NFIX: variants seen among roughly 807,000 people sequenced by gnomAD.
NFIX encodes nuclear factor 1 X-type.
A neutral mutation model predicts 53.3 loss-of-function variants in NFIX; 2 were observed. The ratio of observed to expected loss-of-function variants is 0.04; its 90% CI spans 0.02 to 0.12. The LOEUF (loss-of-function observed/expected upper bound fraction) is 0.12, where lower values mean the gene tolerates loss of function less well. Among genes scored for constraint, NFIX ranks in the 10% least tolerant of loss-of-function variants. NFIX has a pLI of 1.00. For missense variants in NFIX, 310 were observed against 674.5 expected, an observed-to-expected ratio of 0.46 and a Z score of 5.99; for synonymous variants, 244 against 289.0, an observed-to-expected ratio of 0.84 and a Z score of 1.58.
Position 13,040,943 on chromosome 19 carries a change from G to A in NFIX, c.559+15391G>A, listed in dbSNP as rs2014580123. 6.6e-6 allele frequency among the ~76,000 whole-genome samples: 1 copy of A among 152,064 alleles called. No homozygotes were observed. The highest frequency in any genetic ancestry group is 2.4e-5 in the African/African-American group (1 of 41,386). ...TAGCTCCTTCCTCCTCTCTCACCTG[G>A]TCCTAAACCTCTTTCCTCTGGCCCC... is the stretch of plus-strand genomic sequence containing the variant. On this transcript the variant is annotated intron_variant, in intron 2 of 10. Coordinates refer to ENST00000592199, the MANE Select transcript of NFIX (RefSeq NM_001365902.3). The surrounding 1 kb of genome is among the most constrained non-coding windows in gnomAD (Gnocchi z 4.2).
In NFIX at chr19:13,066,946, C is replaced by T. The variant is rs773535364; in HGVS notation, c.560-6101C>T. Among the ~76,000 whole-genome samples the T allele has an allele frequency of 6.6e-6, 1 of 152,168 alleles. No individual in the cohort carries two copies. The highest frequency in any genetic ancestry group is 1.5e-5 in the Non-Finnish European group (1 of 68,022). ...CTGTCTGCTGAGACGGGGAGAACCCCTCTGTGACCCGTCCCCTTAGCCCCC... is the reference window on the plus strand; with the variant it reads ...CTGTCTGCTGAGACGGGGAGAACCCTTCTGTGACCCGTCCCCTTAGCCCCC... On this transcript the variant is annotated intron_variant, in intron 2 of 10. Coordinates refer to ENST00000592199, the MANE Select transcript of NFIX (RefSeq NM_001365902.3). The surrounding 1 kb of genome is among the most constrained non-coding windows in gnomAD (Gnocchi z 4.2).
At chr19:13,007,992 C>T (rs1373996240) in intron 1 of NFIX, among the ~76,000 whole-genome samples, 1 of 152,102 alleles carries the variant, frequency 6.6e-6, no homozygotes, top group Non-Finnish European at 1.5e-5. Flanking sequence ...CATCCTGTGG[C>T]CTAAACACCA....
In NFIX at chr19:13,036,994, C is replaced by T. The variant is rs966077195; in HGVS notation, c.559+11442C>T. ...AGGGAGGAGGCAAATGGATAGGAAG[C>T]TTGAGTTGGGGGTGGGTGCTAAGCC... On this transcript the variant is annotated intron_variant, in intron 2 of 10. Coordinates refer to ENST00000592199, the MANE Select transcript of NFIX (RefSeq NM_001365902.3). This position sits in a 1 kb window ranked among gnomAD's most constrained non-coding sequence, Gnocchi z 4.7. 7.2e-5 allele frequency among the ~76,000 whole-genome samples: 11 copies of T among 152,088 alleles called. No individual in the cohort carries two copies. Among genetic ancestry groups the T allele is most frequent in the African/African-American group, 1.2e-4 (5 of 41,406 alleles).
intron 8 of NFIX, among the ~76,000 whole-genome samples, chr19:13,086,004 G>C (rs1357394811): frequency 1.3e-5 from 2 of 152,226 alleles, no homozygotes; most frequent in Non-Finnish European, 2.9e-5. Context: ...GAGAAAGATA[G>C]GTTGTGATTC....
intron 2 of NFIX, among the ~76,000 whole-genome samples, chr19:13,042,379 G>C (rs1411583062): frequency 1.0e-5 from 1 of 97,454 alleles, no homozygotes; most frequent in East Asian, 3.5e-4. Context: ...TTTTTTTGGA[G>C]ACAGAGTCGC....
At chr19:13,042,068 T>A (rs1300092113) in intron 2 of NFIX, among the ~76,000 whole-genome samples, 10 of 149,894 alleles carry the variant, frequency 6.7e-5, no homozygotes, top group Non-Finnish European at 4.5e-5. Context: ...TGGCTAATTT[T>A]TTTTTTTTTT....
chr19:13,027,396 G>A lies in NFIX; in HGVS notation c.559+1844G>A, dbSNP rs2013450258. 1.3e-5 allele frequency among the ~76,000 whole-genome samples: 2 copies of A among 152,192 alleles called. No homozygotes were observed. Among genetic ancestry groups the A allele is most frequent in the Non-Finnish European group, 2.9e-5 (2 of 68,042 alleles). On this transcript the variant is annotated intron_variant, in intron 2 of 10. Coordinates refer to ENST00000592199, the MANE Select transcript of NFIX (RefSeq NM_001365902.3). This position sits in a 1 kb window ranked among gnomAD's most constrained non-coding sequence, Gnocchi z 4.3. ...TCTATACAGCAAGCCAGATTTGGGA[G>A]GGTGTGTGCCTGGTAGTATTGGAGG... is the stretch of plus-strand genomic sequence containing the variant.
Position 13,039,525 on chromosome 19 carries a change from G to A in NFIX, c.559+13973G>A, listed in dbSNP as rs58699272. Among the ~76,000 whole-genome samples the A allele has an allele frequency of 4.6e-3, 695 of 152,282 alleles. 1 individual carries two copies. Among genetic ancestry groups the A allele is most frequent in the African/African-American group, 0.016 (672 of 41,540 alleles). On this transcript the variant is annotated intron_variant, in intron 2 of 10. Coordinates refer to ENST00000592199, the MANE Select transcript of NFIX (RefSeq NM_001365902.3). ...GTGAATGGGGCAGAAGGCATGTGTT[G>A]GCCTCCTCACTGCACCCTGGGAGAG...
intron 2 of NFIX, among the ~76,000 whole-genome samples, chr19:13,029,568 T>C (rs2013636162): frequency 6.6e-6 from 1 of 152,134 alleles, no homozygotes; most frequent in Non-Finnish European, 1.5e-5. Context: ...GGAAACAGGT[T>C]GTTTGTCCTG....
chr19:13,042,561 T>C (rs1185593388), intron 2 of NFIX, among the ~76,000 whole-genome samples: 1 of 152,070 alleles, frequency 6.6e-6, no homozygotes, highest in Non-Finnish European at 1.5e-5. Flanking sequence ...TTTCGCCATG[T>C]TGGCCAGCCT....
intron 2 of NFIX, among the ~76,000 whole-genome samples, chr19:13,033,512 C>A (rs542188667): frequency 1.3e-5 from 2 of 152,316 alleles, no homozygotes; most frequent in South Asian, 2.1e-4. Flanking sequence ...CACCACCACC[C>A]CAGTACAGGG....
chr19:13,035,402 CTG>C (rs1184015122), intron 2 of NFIX, among the ~76,000 whole-genome samples: 6 of 152,166 alleles, frequency 3.9e-5, no homozygotes, highest in African/African-American at 1.4e-4. Context: ...ATAGTGGTCT[CTG>C]TGTGCTGGGG....
At chr19:13,019,118 A>AT (rs34772188) in intron 1 of NFIX, among the ~76,000 whole-genome samples, 115,318 of 148,880 alleles carry the variant, frequency 0.77, 45,029 homozygotes, top group East Asian at 0.9. Context: ...GACACATAGG[A>AT]TTTTTTTTTT....
Position 13,067,834 on chromosome 19 carries a change from G to A in NFIX, c.560-5213G>A, listed in dbSNP as rs887219012. Among the ~76,000 whole-genome samples, 5 of 152,024 alleles carry A rather than the reference G, an allele frequency of 3.3e-5. No homozygotes were observed. Among genetic ancestry groups the A allele is most frequent in the African/African-American group, 1.2e-4 (5 of 41,358 alleles). ...ATATTAAAAACATGCATCCGGGCAC[G>A]GTGGCTCACGCCTGTAATCCCAGCA... is the stretch of plus-strand genomic sequence containing the variant. On this transcript the variant is annotated intron_variant, in intron 2 of 10. Transcript: ENST00000592199. The surrounding 1 kb of genome is among the most constrained non-coding windows in gnomAD (Gnocchi z 4.2).
intron 2 of NFIX, among the ~76,000 whole-genome samples, chr19:13,053,902 G>T (rs1162383899): frequency 3.3e-5 from 5 of 152,034 alleles, no homozygotes; most frequent in African/African-American, 9.7e-5. Flanking sequence ...CCCTCAAGGG[G>T]TGCTGCCCCC....
intron 2 of NFIX, among the ~76,000 whole-genome samples, chr19:13,062,771 A>G (rs1478872217): frequency 6.6e-6 from 1 of 152,250 alleles, no homozygotes; most frequent in East Asian, 1.9e-4. Flanking sequence ...GCCCAGGGTC[A>G]GTCCCTGCTC....
chr19:13,054,739 G>A (rs1337073488), intron 2 of NFIX, among the ~76,000 whole-genome samples: 1 of 152,134 alleles, frequency 6.6e-6, no homozygotes, highest in African/African-American at 2.4e-5. Context: ...CAGGGTGGTT[G>A]GTGCCTAGAG....
chr19:13,004,612 G>A (rs1312653374), intron 1 of NFIX, among the ~76,000 whole-genome samples: 1 of 152,058 alleles, frequency 6.6e-6, no homozygotes, highest in Non-Finnish European at 1.5e-5. Context: ...AGCAGCTACA[G>A]CCACCCCAGC....
chr19:13,015,808 A>ACAGACG (rs1555695244), intron 1 of NFIX, among the ~76,000 whole-genome samples: 3 of 150,704 alleles, frequency 2.0e-5, no homozygotes, highest in Non-Finnish European at 4.4e-5. Context: ...ACACACACAC[A>ACAGACG]CACACGCACA....
Sources: allele counts gnomAD v4.1 joint callset (sites outside exome capture counted in the v4.1 genomes callset), GRCh38; gene constraint gnomAD v4.1.1; non-coding constraint Gnocchi (gnomAD v3.1); transcripts MANE v1.5; gene names NCBI Gene and HGNC (gene_info 2026-07-23, HGNC 2026-07-21).